Variants in PLG observed in about 807,000 individuals in gnomAD.
PLG encodes the protein plasmin.
In PLG, 41 loss-of-function variants were observed where a neutral mutation model predicts 104.4. The ratio of observed to expected loss-of-function variants is 0.39; its 90% CI spans 0.31 to 0.51. The LOEUF (loss-of-function observed/expected upper bound fraction) is 0.51, where lower values mean the gene tolerates loss of function less well. PLG is among the 20% of genes least tolerant of loss of function. The pLI is 0.76. For synonymous variants in PLG, 337 were observed against 357.1 expected, an observed-to-expected ratio of 0.94 and a Z score of 0.63; for missense variants, 891 against 1,003.6, an observed-to-expected ratio of 0.89 and a Z score of 1.52.
At position 160,711,144 on chromosome 6, in the gene PLG, T is replaced by G. The variant is rs1777633526; in HGVS notation, c.360T>G (p.Asn120Lys). The G allele has an allele frequency of 6.2e-7, 1 of 1,611,868 alleles. No homozygotes were observed. The highest frequency in any genetic ancestry group is 8.5e-7 in the Non-Finnish European group (1 of 1,178,048). ...GAGGGACGATGTCCAAAACAAAAAA[T>G]GGCATCACCTGTCAAAAATGGAGTT... ...NYRGTMSKTK[N>K]GITCQKWSST... is the part of the protein sequence containing the mutation. Residue 120 changes from asparagine (N) to lysine (K), a missense_variant, in exon 4 of 19, where the codon AAT (asparagine) becomes AAG (lysine). By Grantham distance (94) the Asn-to-Lys change is moderately conservative (BLOSUM62 0). Coordinates refer to ENST00000308192, the MANE Select transcript of PLG (RefSeq NM_000301.5).
At chr6:160,711,217 G>GT (rs1223933930) in intron 4 of PLG, 26 bp downstream of exon 4, 1 of 1,607,582 alleles carries the variant, frequency 6.2e-7, no homozygotes, top group African/African-American at 1.3e-5. Flanking sequence ...TCATCTTTGT[G>GT]TTCATCTACT....
Position 160,734,133 on chromosome 6 carries a change from G to T in PLG, c.1681+45G>T. 8.9e-7 allele frequency: 1 copy of T among 1,127,546 alleles called. No individual in the cohort carries two copies. Among genetic ancestry groups the T allele is most frequent in the Non-Finnish European group, 1.4e-6 (1 of 738,514 alleles). The allele number at this position is 1,127,546 out of a possible 1,614,324, so 69.8% of individuals were successfully genotyped here. A position where few individuals can be genotyped will look rare whatever the true frequency, so the allele number is the denominator to read the frequency against. The stretch of plus-strand genomic sequence containing the variant: ...GTAAGGAAACTGCTTACTTAATATG[G>T]ATTTGCAACAAAAAAGGAAAAGGGC... On this transcript the variant is annotated intron_variant, in intron 13 of 18. Transcript: ENST00000308192. This position sits in a 1 kb window ranked among gnomAD's most constrained non-coding sequence, Gnocchi z 4.4.
Position 160,715,600 on chromosome 6 carries a change from A to G in PLG, c.668+686A>G, listed in dbSNP as rs769599709. On this transcript the variant is annotated intron_variant, in intron 6 of 18. Transcript: ENST00000308192. ...TGCTGGAAAACACCTCCCATTCCAC[A>G]GTCGCTTCTGGTCTTCCTCTTCATT... Among the ~76,000 whole-genome samples the G allele has an allele frequency of 7.4e-4, 112 of 152,354 alleles. 1 individual carries two copies. The highest frequency in any genetic ancestry group is 2.2e-3 in the Admixed American group (33 of 15,306).
Position 160,724,584 on chromosome 6 carries a change from A to G in PLG, c.1256+2017A>G, listed in dbSNP as rs1374933093. Among the ~76,000 whole-genome samples the G allele has an allele frequency of 1.3e-5, 2 of 152,202 alleles. No homozygotes were observed. The highest frequency in any genetic ancestry group is 2.9e-5 in the Non-Finnish European group (2 of 68,028). The stretch of plus-strand genomic sequence containing the variant: ...AAGAAAAATCTTATTAGAAGCCAGA[A>G]GAAGAAAATATATGTTTACACAGAA... On this transcript the variant is annotated intron_variant, in intron 10 of 18. Coordinates refer to ENST00000308192, the MANE Select transcript of PLG (RefSeq NM_000301.5). This position sits in a 1 kb window ranked among gnomAD's most constrained non-coding sequence, Gnocchi z 5.0.
At chr6:160,710,720 T>C (rs1249986283) in intron 3 of PLG, among the ~76,000 whole-genome samples, 1 of 152,198 alleles carries the variant, frequency 6.6e-6, no homozygotes, top group African/African-American at 2.4e-5. Flanking sequence ...ATATGTATCA[T>C]CATTAAGTGA....
intron 3 of PLG, among the ~76,000 whole-genome samples, chr6:160,709,179 A>T (rs1436025884): frequency 6.6e-6 from 1 of 152,186 alleles, no homozygotes; most frequent in Non-Finnish European, 1.5e-5. Context: ...ACAAAAAAAA[A>T]AGAAGTGAAA....
intron 3 of PLG, among the ~76,000 whole-genome samples, chr6:160,710,865 TAC>T (rs1462628010): frequency 1.3e-5 from 2 of 152,202 alleles, no homozygotes; most frequent in Admixed American, 6.5e-5. Flanking sequence ...TGGGGCTCGA[TAC>T]ACAGAGAGCT....
At chr6:160,712,678 G>T (rs1777665633) in intron 4 of PLG, among the ~76,000 whole-genome samples, 1 of 152,176 alleles carries the variant, frequency 6.6e-6, no homozygotes, top group Admixed American at 6.5e-5. Flanking sequence ...ACAAAAGCAG[G>T]TGTTTGGAAT....
Position 160,738,922 on chromosome 6 carries a change from A to G in PLG, c.1878-146A>G. The G allele has an allele frequency of 1.1e-6, 1 of 926,446 alleles. No individual in the cohort carries two copies. The highest frequency in any genetic ancestry group is 1.8e-6 in the Non-Finnish European group (1 of 566,660). The allele number at this position is 926,446 out of a possible 1,614,324, so 57.4% of individuals were successfully genotyped here. On this transcript the variant is annotated intron_variant, in intron 15 of 18. Transcript: ENST00000308192. This position sits in a 1 kb window ranked among gnomAD's most constrained non-coding sequence, Gnocchi z 6.8. ...CATTCCTTAACTGCCTGTTTCAAGC[A>G]AATCATGAATTTTGCTTCTTGCCAC...
intron 12 of PLG, among the ~76,000 whole-genome samples, chr6:160,733,685 GA>G (rs4252139): frequency 1.3e-5 from 2 of 148,880 alleles, no homozygotes; most frequent in South Asian, 2.1e-4. Flanking sequence ...ACTGAAAATA[GA>G]AAAAAAAATT....
At chr6:160,706,798 G>A (rs1028687110) in intron 2 of PLG, among the ~76,000 whole-genome samples, 4 of 152,136 alleles carry the variant, frequency 2.6e-5, no homozygotes, top group African/African-American at 9.7e-5. Context: ...ATTGTTCTGA[G>A]CTCCAGTTTT....
At chr6:160,709,468 G>A (rs1471601173) in intron 3 of PLG, among the ~76,000 whole-genome samples, 2 of 152,148 alleles carry the variant, frequency 1.3e-5, no homozygotes, top group Non-Finnish European at 2.9e-5. Flanking sequence ...TCCCAAATGT[G>A]CTAGGGCCCA....
chr6:160,720,126 T>C (rs4709458), intron 9 of PLG, among the ~76,000 whole-genome samples: 54,158 of 152,008 alleles, frequency 0.36, 10,082 homozygotes, highest in East Asian at 0.49. Context: ...TTTTGCTGAA[T>C]GTAGATACTG....
chr6:160,749,802 C>T (rs994476438), intron 17 of PLG, among the ~76,000 whole-genome samples: 1 of 151,716 alleles, frequency 6.6e-6, no homozygotes, highest in Non-Finnish European at 1.5e-5. Context: ...TACCCACCAC[C>T]ATCACCGTCA....
At chr6:160,712,912 A>G in intron 4 of PLG, 74 bp from the exon 5 acceptor site, 1 of 1,088,006 alleles carries the variant, frequency 9.2e-7, no homozygotes, top group Non-Finnish European at 1.4e-6. Context: ...AATCGAGAGC[A>G]TCTCCTTCTG....
chr6:160,745,012 G>A (rs762513739), intron 17 of PLG, among the ~76,000 whole-genome samples: 16 of 152,296 alleles, frequency 1.1e-4, no homozygotes, highest in Non-Finnish European at 1.8e-4. Context: ...GCTGTGGTCT[G>A]AGAGTGTGTT....
At chr6:160,711,244 G>A (rs770286048) in intron 4 of PLG, 53 bp downstream of exon 4, 5 of 1,538,502 alleles carry the variant, frequency 3.2e-6, no homozygotes, top group Admixed American at 3.6e-5. Context: ...TTGTCCCTCT[G>A]TGTCTGTGAG....
chr6:160,703,727 A>G (rs972174202), intron 1 of PLG, among the ~76,000 whole-genome samples: 14 of 152,248 alleles, frequency 9.2e-5, no homozygotes, highest in Non-Finnish European at 1.8e-4. Flanking sequence ...GGGGGTATGA[A>G]TATTATATTT....
rs764948729 is a variant in PLG at position 160,731,092 on chromosome 6, A to C, written c.1298A>C (p.Lys433Thr). The C allele has an allele frequency of 3.7e-6, 6 of 1,614,068 alleles. No individual in the cohort carries two copies. The highest frequency in any genetic ancestry group is 5.1e-6 in the Non-Finnish European group (6 of 1,179,980). ...MNYCRNPDAD[K>T]GPWCFTTDPS... The stretch of plus-strand genomic sequence containing the variant: ...TACTGCAGGAATCCAGATGCCGATA[A>C]AGGCCCCTGGTGTTTTACCACAGAC... The change falls in exon 11 of 19, where the codon AAA (lysine) becomes ACA (threonine). Residue 433 changes from lysine (K) to threonine (T), a missense_variant. Around this residue, in one of 2 missense-constraint regions of PLG, gnomAD observed 854 missense variants for 932.1 expected, o/e 0.92. Coordinates refer to ENST00000308192, the MANE Select transcript of PLG (RefSeq NM_000301.5). The surrounding 1 kb of genome is among the most constrained non-coding windows in gnomAD (Gnocchi z 5.1).
Sources: allele counts gnomAD v4.1 joint callset (sites outside exome capture counted in the v4.1 genomes callset), GRCh38; gene constraint gnomAD v4.1.1; regional missense constraint gnomAD v4.1.1; non-coding constraint Gnocchi (gnomAD v3.1); transcripts MANE v1.5; gene names NCBI Gene and HGNC (gene_info 2026-07-23, HGNC 2026-07-21).